The following DECR2 variants were observed in gnomAD, a reference collection of about 807,000 sequenced individuals.
DECR2 encodes peroxisomal 2,4-dienoyl-CoA reductase [(3E)-enoyl-CoA-producing].
In DECR2, 34 loss-of-function variants were observed where a neutral mutation model predicts 29.2. That is an observed-to-expected ratio of 1.16 (90% CI 0.89 to 1.55). The LOEUF is 1.55. Ranked by LOEUF, DECR2 falls within the 40% of genes most tolerant of loss-of-function variation. The pLI is 0.00. For synonymous variants in DECR2, 224 were observed against 182.7 expected, an observed-to-expected ratio of 1.23 and a Z score of -1.82; for missense variants, 485 against 425.3, an observed-to-expected ratio of 1.14 and a Z score of -1.23.
chr16:401,933 C>A lies in DECR2; in HGVS notation c.-31C>A. The A allele has an allele frequency of 1.4e-6, 2 of 1,474,556 alleles. No individual in the cohort carries two copies. The highest frequency in any genetic ancestry group is 1.8e-6 in the Non-Finnish European group (2 of 1,119,280). 91.3% of individuals were successfully genotyped at this position (1,474,556 alleles called of 1,614,324 possible). ...CCTGGAGGCCGAGGCCGCTCCCGCC[C>A]GTTGTCCCCGCAGTCCCCGACGGGA... On this transcript the variant is annotated 5_prime_UTR_variant, in exon 1 of 9. Coordinates refer to ENST00000219481, the MANE Select transcript of DECR2 (RefSeq NM_020664.4).
At chr16:411,292 G>A in intron 7 of DECR2, 69 bp from the exon 8 acceptor site, 1 of 1,468,930 alleles carries the variant, frequency 6.8e-7, no homozygotes, top group Non-Finnish European at 9.2e-7. Context: ...CTCAGGGAAT[G>A]AGCTGGGGGA....
Position 409,112 on chromosome 16 carries a change from G to A in DECR2, c.338-1131G>A, listed in dbSNP as rs368410717. Among the ~76,000 whole-genome samples, 20 of 152,118 alleles carry A rather than the reference G, an allele frequency of 1.3e-4. No homozygotes were observed. The South Asian group carries it at 1.5e-3, about 11-fold the overall frequency. On this transcript the variant is annotated intron_variant, in intron 4 of 8. Transcript: ENST00000219481. The stretch of plus-strand genomic sequence containing the variant: ...TTCCGAAAGTGCTGGGATTACAGGC[G>A]TGAGCCGCCGCGCCTGGCCCCCAGC...
At chr16:405,230 T>A in intron 2 of DECR2, 1 of 641,788 alleles carries the variant, frequency 1.6e-6, no homozygotes, top group South Asian at 2.0e-5. Context: ...TACAGGTCAG[T>A]GGAGATTGTG....
intron 3 of DECR2, 132 bp from the exon 4 acceptor site, chr16:407,293 C>G: frequency 6.8e-7 from 1 of 1,467,922 alleles, no homozygotes; most frequent in Non-Finnish European, 9.0e-7. Context: ...GCTGTGCTTC[C>G]CCAGAGTGGG....
At chr16:407,368 C>A (rs2054738053) in intron 3 of DECR2, 57 bp from the exon 4 acceptor site, 11 of 1,546,282 alleles carry the variant, frequency 7.1e-6, no homozygotes, top group Admixed American at 5.9e-5. Context: ...ATTCCAAAGG[C>A]CTTTTCTCCA....
At position 407,726 on chromosome 16, in the gene DECR2, G is replaced by A. The variant is rs1475179891; in HGVS notation, c.337+166G>A. 21 of 1,154,982 alleles carry A rather than the reference G, an allele frequency of 1.8e-5. No homozygotes were observed. In the East Asian group the frequency reaches 3.1e-4, roughly 17 times the overall value. The allele number at this position is 1,154,982 out of a possible 1,614,324, so 71.5% of individuals were successfully genotyped here. ...TACCTGAGGCCAAGACTCAGGCTCC[G>A]GCCCCCTGTCTCCGGCCCCATCTCC... On this transcript the variant is annotated intron_variant, in intron 4 of 8. Coordinates refer to ENST00000219481, the MANE Select transcript of DECR2 (RefSeq NM_020664.4).
At position 410,189 on chromosome 16, in the gene DECR2, C is replaced by T. The variant is rs1380807364; in HGVS notation, c.338-54C>T. ...GCTCTGCCCACCTGGCCACCACCCA[C>T]TTGGCATCCCTCTCCCCAGGCTCCA... On this transcript the variant is annotated intron_variant, in intron 4 of 8. Transcript: ENST00000219481. The surrounding 1 kb of genome is among the most constrained non-coding windows in gnomAD (Gnocchi z 4.1). The T allele has an allele frequency of 6.3e-7, 1 of 1,586,650 alleles. No individual in the cohort carries two copies. The highest frequency in any genetic ancestry group is 1.1e-5 in the South Asian group (1 of 88,472).
At position 411,249 on chromosome 16, in the gene DECR2, C is replaced by T. The variant is rs1370042271; in HGVS notation, c.662-112C>T. 5.6e-6 allele frequency: 7 copies of T among 1,240,118 alleles called. No homozygotes were observed. The East Asian group carries it at 7.4e-5, about 13-fold the overall frequency. The allele number at this position is 1,240,118 out of a possible 1,614,324, so 76.8% of individuals were successfully genotyped here. On this transcript the variant is annotated intron_variant, in intron 7 of 8. Coordinates refer to ENST00000219481, the MANE Select transcript of DECR2 (RefSeq NM_020664.4). ...CCTGCTCCATGCTAGGCCTTGGTGA[C>T]ACTGACTGTGTCCTTGCTGTTCCCA...
rs1384647214 is a variant in DECR2 at position 405,043 on chromosome 16, C to G, written c.149+19C>G. On this transcript the variant is annotated intron_variant, in intron 2 of 8. Transcript: ENST00000219481. ...TCATGCGGTGAGACTGCTCTGTGTCCCTTCCCTGCTCCTCGCTTCTCCCTG... is the reference window on the plus strand; with the variant it reads ...TCATGCGGTGAGACTGCTCTGTGTCGCTTCCCTGCTCCTCGCTTCTCCCTG... 6.2e-7 allele frequency: 1 copy of G among 1,608,354 alleles called. No individual in the cohort carries two copies. Among genetic ancestry groups the G allele is most frequent in the South Asian group, 1.2e-5 (1 of 85,940 alleles).
intron 8 of DECR2, 73 bp downstream of exon 8, chr16:411,651 C>T (rs568889317): frequency 6.7e-6 from 10 of 1,482,704 alleles, no homozygotes; most frequent in African/African-American, 4.1e-5. Context: ...CAGGTCTCTG[C>T]GGGACCCACG....
intron 7 of DECR2, 44 bp downstream of exon 7, chr16:411,120 G>A (rs2054813721): frequency 6.9e-7 from 1 of 1,453,268 alleles, no homozygotes; most frequent in Non-Finnish European, 9.1e-7. Flanking sequence ...ATCCTCTCCT[G>A]GGGCACAGGG....
intron 8 of DECR2, 102 bp from the exon 9 acceptor site, chr16:411,788 C>A: frequency 1.9e-6 from 1 of 521,706 alleles, no homozygotes; most frequent in South Asian, 3.2e-5. Flanking sequence ...GCGGCCTCGG[C>A]CTCTGCCGGC....
rs113274541 is a variant in DECR2, at chr16:407,027, T to C, written c.202-398T>C. ...TGGGTTCTGGGAGGGACCTTCCTGT[T>C]TGGGGGTAATGTGGCCCCAAGAAAG... On this transcript the variant is annotated intron_variant, in intron 3 of 8. Coordinates refer to ENST00000219481, the MANE Select transcript of DECR2 (RefSeq NM_020664.4). 22 of 1,036,918 alleles carry C rather than the reference T, an allele frequency of 2.1e-5. No individual in the cohort carries two copies. In the East Asian group the frequency reaches 5.2e-4, roughly 25 times the overall value. The allele number at this position is 1,036,918 out of a possible 1,614,324, so 64.2% of individuals were successfully genotyped here. A position where few individuals can be genotyped will look rare whatever the true frequency, so the allele number is the denominator to read the frequency against.
Position 410,626 on chromosome 16 carries a change from GCTCA to G in DECR2, c.463-62_463-59del. 1 of 1,464,814 alleles carries G rather than the reference GCTCA, an allele frequency of 6.8e-7. No individual in the cohort carries two copies. The highest frequency in any genetic ancestry group is 1.2e-5 in the South Asian group (1 of 82,702). The allele number at this position is 1,464,814 out of a possible 1,614,324, so 90.7% of individuals were successfully genotyped here. The stretch of plus-strand genomic sequence containing the variant: ...CCGGGCCTCCCCCTGACAGCCACCC[GCTCA>G]CTGTCCTGTGACCTCCCCCGACACC... On this transcript the variant is annotated intron_variant, in intron 5 of 8. Transcript: ENST00000219481. This position sits in a 1 kb window ranked among gnomAD's most constrained non-coding sequence, Gnocchi z 4.1.
rs368053751 is a variant in DECR2, at chr16:410,355, G to A, written c.450G>A (p.Glu150=). ...TCAATGTGTCTCGTGTGCTCTATGA[G>A]AAGTTCTTCCGGGTGGGTGCCTCGT... ...GTFNVSRVLY[E]KFFRDHGGVI... The change falls in exon 5 of 9, where the codon GAG becomes GAA. Residue 150 remains glutamate, a synonymous_variant. Coordinates refer to ENST00000219481, the MANE Select transcript of DECR2 (RefSeq NM_020664.4). The surrounding 1 kb of genome is among the most constrained non-coding windows in gnomAD (Gnocchi z 4.1). The A allele has an allele frequency of 3.8e-5, 61 of 1,599,940 alleles. No homozygotes were observed. The highest frequency in any genetic ancestry group is 4.4e-5 in the Non-Finnish European group (52 of 1,174,280).
At chr16:402,159 C>T in intron 1 of DECR2, 116 bp downstream of exon 1, 1 of 788,396 alleles carries the variant, frequency 1.3e-6, no homozygotes, top group Non-Finnish European at 1.8e-6. Context: ...TTGCCTGGCT[C>T]CTTTCTTTCT....
Position 407,922 on chromosome 16 carries a change from T to A in DECR2, c.337+362T>A, listed in dbSNP as rs542249136. ...CTCCGGGCCTCTGTCTCCGGCCCCA[T>A]CTCCGGCCCCCTGTCTCCGGGCCCC... On this transcript the variant is annotated intron_variant, in intron 4 of 8. Coordinates refer to ENST00000219481, the MANE Select transcript of DECR2 (RefSeq NM_020664.4). 5.8e-4 allele frequency among the ~76,000 whole-genome samples: 48 copies of A among 82,296 alleles called. 1 individual carries two copies. The highest frequency in any genetic ancestry group is 2.3e-3 in the African/African-American group (47 of 20,346). 54.0% of individuals were successfully genotyped at this position (82,296 alleles called of 152,430 possible).
chr16:403,294 A>G (rs2054688857), intron 1 of DECR2, among the ~76,000 whole-genome samples: 2 of 152,168 alleles, frequency 1.3e-5, no homozygotes, highest in South Asian at 4.1e-4. Flanking sequence ...TGCTGGGATG[A>G]CAGGAGTGAG....
At chr16:407,916 GCCCCATCTCCGGCC>G (rs1270769845) in intron 4 of DECR2, among the ~76,000 whole-genome samples, 1 of 135,082 alleles carries the variant, frequency 7.4e-6, no homozygotes, top group African/African-American at 2.8e-5. Context: ...TCTGTCTCCG[GCCCCATCTCCGGCC>G]CCCTGTCTCC....
Sources: allele counts gnomAD v4.1 joint callset (sites outside exome capture counted in the v4.1 genomes callset), GRCh38; gene constraint gnomAD v4.1.1; non-coding constraint Gnocchi (gnomAD v3.1); transcripts MANE v1.5; gene names NCBI Gene and HGNC (gene_info 2026-07-23, HGNC 2026-07-21).